MXI1: variants seen among roughly 807,000 people sequenced by gnomAD.
The protein encoded by MXI1 is MAX interactor 1, dimerization protein.
A neutral mutation model predicts 36.9 loss-of-function variants in MXI1; 18 were observed. The ratio of observed to expected loss-of-function variants is 0.49; its 90% CI spans 0.34 to 0.72. The LOEUF (loss-of-function observed/expected upper bound fraction) is 0.72, where lower values mean the gene tolerates loss of function less well. Among genes scored for constraint, MXI1 ranks in the 30% least tolerant of loss-of-function variants. The probability of loss-of-function intolerance (pLI) is 0.01; values close to 1 mark genes in which losing one functional copy is unlikely to be tolerated. For synonymous variants in MXI1, 160 were observed against 146.7 expected, an observed-to-expected ratio of 1.09 and a Z score of -0.65; for missense variants, 304 against 379.1, an observed-to-expected ratio of 0.80 and a Z score of 1.64.
chr10:110,251,489 A>G (rs1856085453), intron 3 of MXI1, among the ~76,000 whole-genome samples: 1 of 152,162 alleles, frequency 6.6e-6, no homozygotes, highest in African/African-American at 2.4e-5. Context: ...GTAAATGTCT[A>G]GAAAGGTACA....
intron 2 of MXI1, 55 bp downstream of exon 2, chr10:110,228,376 C>T: frequency 1.2e-6 from 2 of 1,605,168 alleles, no homozygotes; most frequent in South Asian, 2.2e-5. Flanking sequence ...GCACATTTCT[C>T]CTGTAATCCC....
intron 1 of MXI1, among the ~76,000 whole-genome samples, chr10:110,213,497 G>A (rs1854557507): frequency 6.6e-6 from 1 of 152,180 alleles, no homozygotes; most frequent in Non-Finnish European, 1.5e-5. Flanking sequence ...ATGTTCCCCA[G>A]ATTCAACTTA....
At chr10:110,227,517 C>G (rs1855094295) in intron 1 of MXI1, 1 of 983,000 alleles carries the variant, frequency 1.0e-6, no homozygotes. Flanking sequence ...CGTGGAGAAG[C>G]TTGGAGGGCC....
chr10:110,276,829 C>CTTTAT (rs1554859478), intron 3 of MXI1, among the ~76,000 whole-genome samples: 6 of 149,724 alleles, frequency 4.0e-5, no homozygotes, highest in Non-Finnish European at 8.9e-5. Context: ...ATTTTCCTTT[C>CTTTAT]TTTCTTTTCT....
intron 1 of MXI1, among the ~76,000 whole-genome samples, chr10:110,219,105 G>A (rs1254204156): frequency 6.6e-6 from 1 of 152,184 alleles, no homozygotes; most frequent in Non-Finnish European, 1.5e-5. Flanking sequence ...TTCGAGACCA[G>A]CCTGGCCAAT....
At chr10:110,215,235 T>A (rs1324719049) in intron 1 of MXI1, among the ~76,000 whole-genome samples, 1 of 152,022 alleles carries the variant, frequency 6.6e-6, no homozygotes, top group Admixed American at 6.6e-5. Context: ...AGAGACAGGT[T>A]TTCACCATGC....
At chr10:110,276,398 G>A (rs1158595346) in intron 3 of MXI1, among the ~76,000 whole-genome samples, 1 of 151,984 alleles carries the variant, frequency 6.6e-6, no homozygotes, top group Non-Finnish European at 1.5e-5. Flanking sequence ...AAATTACCTA[G>A]CAAATCCTCA....
intron 2 of MXI1, among the ~76,000 whole-genome samples, chr10:110,229,626 TAA>T (rs1855190525): frequency 6.6e-6 from 1 of 152,242 alleles, no homozygotes; most frequent in Non-Finnish European, 1.5e-5. Context: ...CTTAATTTCT[TAA>T]GTTATAAAAA....
At chr10:110,277,476 G>A (rs1295525023) in intron 3 of MXI1, among the ~76,000 whole-genome samples, 2 of 152,164 alleles carry the variant, frequency 1.3e-5, no homozygotes, top group Non-Finnish European at 2.9e-5. Context: ...TGCTGAGCAA[G>A]AGCACTGTGG....
chr10:110,270,541 T>C (rs1236385286), intron 3 of MXI1, among the ~76,000 whole-genome samples: 1 of 152,162 alleles, frequency 6.6e-6, no homozygotes, highest in Non-Finnish European at 1.5e-5. Context: ...TGCACTATAG[T>C]CTTCAACTTA....
intron 3 of MXI1, among the ~76,000 whole-genome samples, chr10:110,277,002 T>C (rs1348213369): frequency 6.6e-6 from 1 of 152,074 alleles, no homozygotes; most frequent in Non-Finnish European, 1.5e-5. Context: ...TGCACCACCA[T>C]GCGCAGCTAA....
chr10:110,261,856 A>T (rs945754344), intron 3 of MXI1, among the ~76,000 whole-genome samples: 1 of 152,142 alleles, frequency 6.6e-6, no homozygotes, highest in Non-Finnish European at 1.5e-5. Context: ...ATAGGCATGA[A>T]CAAGAATAAC....
intron 3 of MXI1, among the ~76,000 whole-genome samples, chr10:110,271,962 C>G (rs1386918713): frequency 6.6e-6 from 1 of 152,172 alleles, no homozygotes; most frequent in African/African-American, 2.4e-5. Context: ...TCTTCCATAT[C>G]TTCTCTCCCT....
intron 5 of MXI1, among the ~76,000 whole-genome samples, chr10:110,283,279 TGA>T (rs34739405): frequency 2.0e-5 from 3 of 151,628 alleles, no homozygotes; most frequent in African/African-American, 2.4e-5. Flanking sequence ...TTTTTTTTTT[TGA>T]GAGAGAGTGT....
chr10:110,267,776 T>G (rs1590394240), intron 3 of MXI1, among the ~76,000 whole-genome samples: 1 of 152,322 alleles, frequency 6.6e-6, no homozygotes, highest in East Asian at 1.9e-4. Flanking sequence ...AGCTGGAATT[T>G]ACTGCTAGCA....
intron 3 of MXI1, among the ~76,000 whole-genome samples, chr10:110,270,181 A>G (rs1208401657): frequency 6.6e-6 from 1 of 152,238 alleles, no homozygotes; most frequent in Non-Finnish European, 1.5e-5. Flanking sequence ...CCAGTGATGT[A>G]GCCCTATTTC....
At chr10:110,232,795 G>C (rs556228476) in intron 2 of MXI1, among the ~76,000 whole-genome samples, 1 of 152,300 alleles carries the variant, frequency 6.6e-6, no homozygotes, top group East Asian at 1.9e-4. Flanking sequence ...ATTACTTTGT[G>C]TTCCAAGGGA....
chr10:110,224,046 C>G (rs1590334671), intron 1 of MXI1, among the ~76,000 whole-genome samples: 1 of 151,110 alleles, frequency 6.6e-6, no homozygotes, highest in Non-Finnish European at 1.5e-5. Flanking sequence ...GGTAAGAAAA[C>G]AAAAGGTATG....
At chr10:110,250,696 G>A (rs896296212) in intron 3 of MXI1, among the ~76,000 whole-genome samples, 16 of 151,804 alleles carry the variant, frequency 1.1e-4, no homozygotes, top group Admixed American at 9.9e-4. Context: ...GCCAGGCATG[G>A]TGGTGCATCC....
Sources: allele counts gnomAD v4.1 joint callset (sites outside exome capture counted in the v4.1 genomes callset), GRCh38; gene constraint gnomAD v4.1.1; transcripts MANE v1.5; gene names NCBI Gene and HGNC (gene_info 2026-07-23, HGNC 2026-07-21).